The following PALLD variants were observed in gnomAD, a reference collection of about 807,000 sequenced individuals.
PALLD encodes the protein palladin.
Under a neutral mutation model 123.5 loss-of-function variants are expected in PALLD, and 61 were observed. The observed-to-expected ratio is 0.49, with a 90% confidence interval of 0.40 to 0.61. PALLD has a LOEUF of 0.61. Ranked by LOEUF, PALLD falls within the 20% of genes least tolerant of loss-of-function variation. The probability of loss-of-function intolerance (pLI) is 0.00; values close to 1 mark genes in which losing one functional copy is unlikely to be tolerated. For missense variants in PALLD, 1,273 were observed against 1,377.0 expected (o/e 0.92, Z 1.20); for synonymous variants, 465 against 496.4 (o/e 0.94, Z 0.84).
chr4:168,761,534 C>T (rs1001501641), intron 10 of PALLD, among the ~76,000 whole-genome samples: 22 of 152,108 alleles, frequency 1.4e-4, no homozygotes, highest in African/African-American at 5.3e-4. Context: ...AGTCTCAGCT[C>T]ACTACAACCT....
Position 168,878,348 on chromosome 4 carries a change from CCGG to C in PALLD, c.1965-12569_1965-12567del. The stretch of plus-strand genomic sequence containing the variant: ...CGCTCTGCTGCCCTCGCAGCCGCCG[CCGG>C]CGGCCGTCAACGCCCTGGGGCTGCC... On this transcript the variant is annotated intron_variant, in intron 10 of 21. Coordinates refer to ENST00000505667, the MANE Select transcript of PALLD (RefSeq NM_001166108.2). 1.3e-6 allele frequency: 2 copies of C among 1,519,736 alleles called. No individual in the cohort carries two copies. Among genetic ancestry groups the C allele is most frequent in the Non-Finnish European group, 1.8e-6 (2 of 1,140,380 alleles). 94.1% of individuals were successfully genotyped at this position (1,519,736 alleles called of 1,614,324 possible). A position where few individuals can be genotyped will look rare whatever the true frequency, so the allele number is the denominator to read the frequency against.
chr4:168,512,370 A>T lies in PALLD; in HGVS notation c.866A>T (p.Tyr289Phe). ...GAAGTAGCAGAAGGGAGCCGAGTTT[A>T]TCTGGAGTGTAGAGTCACTGGAAAC... is the stretch of plus-strand genomic sequence containing the variant. ...SQEVAEGSRV[Y>F]LECRVTGNPT... Residue 289 changes from tyrosine (Y) to phenylalanine (F), a missense_variant, in exon 2 of 22, where the codon TAT becomes TTT. Transcript: ENST00000505667. 6.2e-7 allele frequency: 1 copy of T among 1,613,914 alleles called. No homozygotes were observed. The highest frequency in any genetic ancestry group is 8.5e-7 in the Non-Finnish European group (1 of 1,180,022).
Position 168,659,785 on chromosome 4 carries a change from T to C in PALLD, c.909-8405T>C, listed in dbSNP as rs60231904. 6.7e-3 allele frequency among the ~76,000 whole-genome samples: 1,022 copies of C among 152,282 alleles called. 9 individuals carry two copies. Among genetic ancestry groups the C allele is most frequent in the African/African-American group, 0.023 (971 of 41,556 alleles). On this transcript the variant is annotated intron_variant, in intron 2 of 21. Coordinates refer to ENST00000505667, the MANE Select transcript of PALLD (RefSeq NM_001166108.2). ...TAAAAGCCACATGTTTAAAATACAGTGCACAGAGAATTTTCATGATACGTA... is the reference window on the plus strand; with the variant it reads ...TAAAAGCCACATGTTTAAAATACAGCGCACAGAGAATTTTCATGATACGTA...
chr4:168,886,882 G>A (rs1297973715), intron 10 of PALLD, among the ~76,000 whole-genome samples: 1 of 152,002 alleles, frequency 6.6e-6, no homozygotes. Flanking sequence ...ACTTTGGGAG[G>A]CCGAGGCGGG....
rs762322026 is a variant in PALLD at position 168,894,535 on chromosome 4, G to A, written c.2101-44G>A. On this transcript the variant is annotated intron_variant, in intron 11 of 21. Coordinates refer to ENST00000505667, the MANE Select transcript of PALLD (RefSeq NM_001166108.2). The stretch of plus-strand genomic sequence containing the variant: ...TTTTCATAGGGCAGTACATATTTGT[G>A]ATTTTTTTCTAATTTTGTATTTTTT... 1.2e-5 allele frequency: 15 copies of A among 1,284,604 alleles called. No individual in the cohort carries two copies. In the African/African-American group the frequency reaches 1.8e-4, roughly 15 times the overall value. 79.6% of individuals were successfully genotyped at this position (1,284,604 alleles called of 1,614,324 possible). A position where few individuals can be genotyped will look rare whatever the true frequency, so the allele number is the denominator to read the frequency against.
chr4:168,647,586 G>A (rs1230826111), intron 2 of PALLD, among the ~76,000 whole-genome samples: 2 of 152,132 alleles, frequency 1.3e-5, no homozygotes, highest in East Asian at 3.9e-4. Context: ...TTCGAGACCA[G>A]CCTGGCCAAT....
rs900334552 is a variant in PALLD at position 168,746,312 on chromosome 4, C to T, written c.1964+34389C>T. On this transcript the variant is annotated intron_variant, in intron 10 of 21. Transcript: ENST00000505667. ...AGGAGAATGGCGTGAACCCGGGAGGCGGAGCTGGCACTGAGCTGAGATTGC... is the reference window on the plus strand; with the variant it reads ...AGGAGAATGGCGTGAACCCGGGAGGTGGAGCTGGCACTGAGCTGAGATTGC... 3.7e-5 allele frequency among the ~76,000 whole-genome samples: 5 copies of T among 136,296 alleles called. No individual in the cohort carries two copies. The Admixed American group carries it at 4.2e-4, about 11-fold the overall frequency. 89.4% of individuals were successfully genotyped at this position (136,296 alleles called of 152,430 possible).
chr4:168,500,522 C>T (rs1761288346), intron 1 of PALLD, among the ~76,000 whole-genome samples: 1 of 152,130 alleles, frequency 6.6e-6, no homozygotes, highest in African/African-American at 2.4e-5. Context: ...CACCATCACA[C>T]TCAGCTAAGT....
intron 2 of PALLD, among the ~76,000 whole-genome samples, chr4:168,645,558 C>T (rs1313273499): frequency 3.3e-5 from 5 of 152,180 alleles, no homozygotes; most frequent in African/African-American, 1.2e-4. Flanking sequence ...ATTTATTGAA[C>T]CTCCCTGGGC....
At chr4:168,748,075 A>G (rs1279089334) in intron 10 of PALLD, among the ~76,000 whole-genome samples, 1 of 152,228 alleles carries the variant, frequency 6.6e-6, no homozygotes, top group Non-Finnish European at 1.5e-5. Flanking sequence ...AAATGTTAGC[A>G]TATTGACACA....
In PALLD at chr4:168,898,462, A is replaced by G. The variant is rs372031536; in HGVS notation, c.2251-31A>G. On this transcript the variant is annotated intron_variant, in intron 13 of 21. Transcript: ENST00000505667. ...CGTGACACTTTGTCAGAAGGGATTG[A>G]GTCTGCTAACTTAAACTTTCCTTGA... 2.2e-4 allele frequency: 311 copies of G among 1,385,566 alleles called. 1 individual carries two copies. The highest frequency in any genetic ancestry group is 3.0e-4 in the Non-Finnish European group (295 of 972,368). The allele number at this position is 1,385,566 out of a possible 1,614,324, so 85.8% of individuals were successfully genotyped here. A position where few individuals can be genotyped will look rare whatever the true frequency, so the allele number is the denominator to read the frequency against.
chr4:168,892,054 T>C (rs1368453402), intron 11 of PALLD, among the ~76,000 whole-genome samples: 1 of 152,242 alleles, frequency 6.6e-6, no homozygotes, highest in Non-Finnish European at 1.5e-5. Flanking sequence ...TGGTAAAATA[T>C]ATAGATAAGA....
intron 15 of PALLD, among the ~76,000 whole-genome samples, chr4:168,905,059 G>A (rs1423659016): frequency 3.3e-5 from 5 of 151,894 alleles, no homozygotes; most frequent in African/African-American, 7.3e-5. Flanking sequence ...CCTGGGATGC[G>A]GAGGTTTCAG....
chr4:168,676,312 A>T (rs2150056080), intron 3 of PALLD, among the ~76,000 whole-genome samples: 1 of 152,014 alleles, frequency 6.6e-6, no homozygotes, highest in East Asian at 1.9e-4. Flanking sequence ...TGCTTCGGTT[A>T]CTCTGATCTG....
intron 2 of PALLD, among the ~76,000 whole-genome samples, chr4:168,634,360 A>G (rs1014556434): frequency 3.3e-5 from 5 of 152,208 alleles, no homozygotes; most frequent in African/African-American, 7.2e-5. Context: ...TAATGGATAC[A>G]GTGGTTTTTC....
chr4:168,576,339 CTCG>C (rs1769583999), intron 2 of PALLD, among the ~76,000 whole-genome samples: 1 of 151,908 alleles, frequency 6.6e-6, no homozygotes, highest in Non-Finnish European at 1.5e-5. Flanking sequence ...CACCCAGTAA[CTCG>C]TCATTTAACA....
At chr4:168,773,647 A>G (rs1383286216) in intron 10 of PALLD, among the ~76,000 whole-genome samples, 1 of 152,168 alleles carries the variant, frequency 6.6e-6, no homozygotes, top group Non-Finnish European at 1.5e-5. Flanking sequence ...GCACTCAGCC[A>G]TCATCGTGTA....
chr4:168,685,818 A>AT (rs1781983403), intron 6 of PALLD, among the ~76,000 whole-genome samples: 2 of 148,458 alleles, frequency 1.3e-5, no homozygotes, highest in African/African-American at 5.1e-5. Context: ...TAGAAAAAAA[A>AT]AAAAAAAAAA....
chr4:168,695,930 T>C lies in PALLD; in HGVS notation c.1501+4638T>C, dbSNP rs117030177. On this transcript the variant is annotated intron_variant, in intron 8 of 21. Coordinates refer to ENST00000505667, the MANE Select transcript of PALLD (RefSeq NM_001166108.2). ...CATGAACCAAGAAAGTTTGTTTTAC[T>C]CTCTAGAGGAGGAGTGTCCAATCTT... is the stretch of plus-strand genomic sequence containing the variant. Among the ~76,000 whole-genome samples, 131 of 152,246 alleles carry C rather than the reference T, an allele frequency of 8.6e-4. 1 individual carries two copies. In the East Asian group the frequency reaches 0.022, roughly 25 times the overall value.
Sources: allele counts gnomAD v4.1 joint callset (sites outside exome capture counted in the v4.1 genomes callset), GRCh38; gene constraint gnomAD v4.1.1; transcripts MANE v1.5; gene names NCBI Gene and HGNC (gene_info 2026-07-23, HGNC 2026-07-21).